CFAP44: variants seen among roughly 807,000 people sequenced by gnomAD.
CFAP44 encodes the protein cilia- and flagella-associated protein 44.
Under a neutral mutation model 216.2 loss-of-function variants are expected in CFAP44, and 134 were observed. The observed-to-expected ratio is 0.62, with a 90% CI of 0.54 to 0.72. CFAP44 has a LOEUF of 0.72. CFAP44 is among the 30% of genes least tolerant of loss of function. CFAP44 has a pLI of 0.00. For synonymous variants in CFAP44, 700 were observed against 727.6 expected (o/e 0.96, Z 0.61); for missense variants, 2,035 against 2,182.1 (o/e 0.93, Z 1.34).
intron 6 of CFAP44, among the ~76,000 whole-genome samples, chr3:113,410,776 C>A (rs1229770480): frequency 6.6e-6 from 1 of 152,176 alleles, no homozygotes; most frequent in Non-Finnish European, 1.5e-5. Context: ...AGTGTAAAAG[C>A]ATTCCTATTT....
At chr3:113,390,279 C>T (rs1057225867) in intron 15 of CFAP44, among the ~76,000 whole-genome samples, 3 of 151,998 alleles carry the variant, frequency 2.0e-5, no homozygotes, top group African/African-American at 4.8e-5. Flanking sequence ...TGAAAATGCA[C>T]TTGATAAAAT....
At position 113,404,404 on chromosome 3, in the gene CFAP44, A is replaced by C. The variant is rs148881356; in HGVS notation, c.1006-388T>G. Among the ~76,000 whole-genome samples, 1,190 of 152,350 alleles carry C rather than the reference A, an allele frequency of 7.8e-3. 11 individuals carry two copies. Among genetic ancestry groups the C allele is most frequent in the African/African-American group, 0.027 (1,130 of 41,588 alleles). ...ATGTTAGATAACTTGTAAGGCCAGT[A>C]CTGAATTAAGTAGATTATAGCATAA... On this transcript the variant is annotated intron_variant, in intron 8 of 34. Coordinates refer to ENST00000393845, the MANE Select transcript of CFAP44 (RefSeq NM_001164496.2).
At chr3:113,441,286 C>T (rs745650781) in intron 1 of CFAP44, among the ~76,000 whole-genome samples, 167 bp downstream of exon 1, 11 of 152,202 alleles carry the variant, frequency 7.2e-5, no homozygotes, top group Non-Finnish European at 1.5e-4. Context: ...TAGCTCCGAG[C>T]CTGAGAATAC....
chr3:113,299,040 C>G (rs1949909431), intron 32 of CFAP44, among the ~76,000 whole-genome samples: 2 of 151,922 alleles, frequency 1.3e-5, no homozygotes. Context: ...AATTATTAAC[C>G]CTAAAATAAA....
rs2107781724 is a variant in CFAP44 at position 113,288,927 on chromosome 3, A to C, written c.*2630T>G. On this transcript the variant is annotated 3_prime_UTR_variant, in exon 35 of 35. Coordinates refer to ENST00000393845, the MANE Select transcript of CFAP44 (RefSeq NM_001164496.2). ...TCGGTGATACTATGGATGACAGTTCAGAAGAGCCAAGTTATATGAACAATT... is the reference window on the plus strand; with the variant it reads ...TCGGTGATACTATGGATGACAGTTCCGAAGAGCCAAGTTATATGAACAATT... 1 of 152,372 alleles carries C rather than the reference A, an allele frequency of 6.6e-6. No homozygotes were observed. The highest frequency in any genetic ancestry group is 6.5e-5 in the Admixed American group (1 of 15,300). The allele number at this position is 152,372 out of a possible 1,614,324, so 9.4% of individuals were successfully genotyped here. A position where few individuals can be genotyped will look rare whatever the true frequency, so the allele number is the denominator to read the frequency against.
chr3:113,357,092 T>C (rs1372167270), intron 22 of CFAP44, among the ~76,000 whole-genome samples: 1 of 152,062 alleles, frequency 6.6e-6, no homozygotes, highest in Admixed American at 6.6e-5. Context: ...ACAGAAAATA[T>C]ACAAATGATT....
intron 5 of CFAP44, chr3:113,417,248 G>A (rs530683458): frequency 2.0e-5 from 3 of 152,262 alleles, no homozygotes; most frequent in African/African-American, 7.2e-5. Flanking sequence ...AAATTTCACT[G>A]TGGAAAAAGT....
At chr3:113,383,025 T>C (rs1006792039) in intron 15 of CFAP44, among the ~76,000 whole-genome samples, 1 of 152,252 alleles carries the variant, frequency 6.6e-6, no homozygotes, top group Non-Finnish European at 1.5e-5. Context: ...CTAATCTTCA[T>C]TGACATATAA....
chr3:113,397,565 G>C (rs913234884), intron 13 of CFAP44, among the ~76,000 whole-genome samples: 3 of 152,206 alleles, frequency 2.0e-5, no homozygotes, highest in Non-Finnish European at 4.4e-5. Flanking sequence ...AGGTGGTTTG[G>C]ATAGGATGCT....
Position 113,287,843 on chromosome 3 carries a change from G to C in CFAP44, c.*3714C>G, listed in dbSNP as rs1198193289. On this transcript the variant is annotated 3_prime_UTR_variant, in exon 35 of 35. Transcript: ENST00000393845. ...TTAGCTAAGTGCTGTGCCACACATG[G>C]ACATATGGTGCATAATAAATTCACT... 6.6e-6 allele frequency: 1 copy of C among 152,192 alleles called. No homozygotes were observed. The highest frequency in any genetic ancestry group is 1.5e-5 in the Non-Finnish European group (1 of 68,036). The allele number at this position is 152,192 out of a possible 1,614,324, so 9.4% of individuals were successfully genotyped here. A position where few individuals can be genotyped will look rare whatever the true frequency, so the allele number is the denominator to read the frequency against.
At chr3:113,419,895 T>C (rs1934762073) in intron 5 of CFAP44, 122 bp downstream of exon 5, 3 of 965,718 alleles carry the variant, frequency 3.1e-6, no homozygotes, top group Non-Finnish European at 4.5e-6. Context: ...CAGCTGTGCA[T>C]CTCATGTGAA....
intron 17 of CFAP44, among the ~76,000 whole-genome samples, chr3:113,376,775 G>A (rs1933356976): frequency 6.6e-6 from 1 of 152,148 alleles, no homozygotes; most frequent in Non-Finnish European, 1.5e-5. Context: ...TTATGTAACA[G>A]AGCAAGGGGG....
At chr3:113,335,059 A>C (rs1233630212) in intron 24 of CFAP44, among the ~76,000 whole-genome samples, 1 of 152,216 alleles carries the variant, frequency 6.6e-6, no homozygotes, top group African/African-American at 2.4e-5. Context: ...AAGGAAAGGA[A>C]AGAAAGAAAA....
chr3:113,399,612 A>G (rs1287395107), intron 13 of CFAP44, among the ~76,000 whole-genome samples: 1 of 152,166 alleles, frequency 6.6e-6, no homozygotes, highest in Non-Finnish European at 1.5e-5. Flanking sequence ...AATGAATGAA[A>G]TCAGAGTCAG....
At chr3:113,308,377 C>A in intron 28 of CFAP44, 109 bp from the exon 29 acceptor site, 1 of 833,592 alleles carries the variant, frequency 1.2e-6, no homozygotes, top group South Asian at 2.0e-5. Flanking sequence ...AAAAATAACT[C>A]AATATAAGAG....
chr3:113,325,250 G>A (rs1217976653), intron 28 of CFAP44, among the ~76,000 whole-genome samples: 1 of 145,314 alleles, frequency 6.9e-6, no homozygotes. Context: ...GCAGTGAGCC[G>A]AGATCACGCC....
intron 32 of CFAP44, among the ~76,000 whole-genome samples, chr3:113,303,069 TA>T (rs1475703410): frequency 6.6e-6 from 1 of 152,236 alleles, no homozygotes; most frequent in Non-Finnish European, 1.5e-5. Flanking sequence ...GCAAAAATAT[TA>T]AAGTCTGATA....
At chr3:113,317,002 A>T (rs1227113646) in intron 28 of CFAP44, among the ~76,000 whole-genome samples, 1 of 152,204 alleles carries the variant, frequency 6.6e-6, no homozygotes, top group African/African-American at 2.4e-5. Flanking sequence ...CAGAGAGAAA[A>T]TGCCAAGAGT....
At chr3:113,365,459 A>G (rs957239338) in intron 19 of CFAP44, among the ~76,000 whole-genome samples, 3 of 152,194 alleles carry the variant, frequency 2.0e-5, no homozygotes, top group Non-Finnish European at 4.4e-5. Context: ...TTGCTTGATA[A>G]TATGAAATTC....
Sources: allele counts gnomAD v4.1 joint callset (sites outside exome capture counted in the v4.1 genomes callset), GRCh38; gene constraint gnomAD v4.1.1; transcripts MANE v1.5; gene names NCBI Gene and HGNC (gene_info 2026-07-23, HGNC 2026-07-21).